The following PTGER4 variants were observed in gnomAD, a reference collection of about 807,000 sequenced individuals.
PTGER4 encodes prostaglandin E2 receptor EP4 subtype.
A neutral mutation model predicts 33.2 loss-of-function variants in PTGER4; 11 were observed. The observed-to-expected ratio is 0.33, with a 90% CI of 0.21 to 0.55. The LOEUF (loss-of-function observed/expected upper bound fraction) is 0.55. PTGER4 is among the 20% of genes least tolerant of loss of function. PTGER4 has a pLI of 0.92. For synonymous variants in PTGER4, 275 were observed against 281.5 expected (o/e 0.98, Z 0.23); for missense variants, 481 against 650.2 (o/e 0.74, Z 2.83).
intron 2 of PTGER4, among the ~76,000 whole-genome samples, chr5:40,689,148 T>G (rs146545840): frequency 6.6e-6 from 1 of 152,340 alleles, no homozygotes; most frequent in Admixed American, 6.5e-5. Context: ...CTAAATGGCT[T>G]CACAGTCTGT....
chr5:40,708,295 A>G, the PTGER4 span, among the ~76,000 whole-genome samples: 1 of 152,298 alleles, frequency 6.6e-6, no homozygotes, highest in South Asian at 2.1e-4. Flanking sequence ...CAAGACTAAT[A>G]AAGAAGAAAA....
At chr5:40,695,504 C>T (rs1194423865), downstream of PTGER4, among the ~76,000 whole-genome samples, 1 of 151,938 alleles carries the variant, frequency 6.6e-6, no homozygotes, top group Non-Finnish European at 1.5e-5. Flanking sequence ...CGAGATCGTG[C>T]GACTGAACTC....
the PTGER4 span, chr5:40,730,254 A>T: frequency 6.3e-7 from 1 of 1,591,774 alleles, no homozygotes; most frequent in Non-Finnish European, 8.6e-7. Context: ...ATTCTTCATA[A>T]TTATTACCTG....
At chr5:40,739,875 C>G in the PTGER4 span, among the ~76,000 whole-genome samples, 1 of 152,108 alleles carries the variant, frequency 6.6e-6, no homozygotes, top group East Asian at 1.9e-4. Flanking sequence ...AGTTTTTATA[C>G]ATGTTTTGCT....
At chr5:40,700,548 C>G in the PTGER4 span, among the ~76,000 whole-genome samples, 4 of 152,212 alleles carry the variant, frequency 2.6e-5, no homozygotes, top group African/African-American at 9.7e-5. Context: ...ACAGGGAACC[C>G]CTGGCTTGGG....
chr5:40,716,229 A>G, the PTGER4 span: 5 of 1,614,248 alleles, frequency 3.1e-6, no homozygotes, highest in Admixed American at 1.7e-5. Context: ...CCCCAGAAGC[A>G]GACACAATAA....
In PTGER4 at chr5:40,693,619, T is replaced by C; in HGVS notation, c.*1241T>C. ...ATATTAAGCATGTTTTGTTGCTCAG[T>C]GTTTTTGTGAATTGCTTGGTTGTAA... On this transcript the variant is annotated 3_prime_UTR_variant, in exon 3 of 3. Transcript: ENST00000302472. 1 of 985,834 alleles carries C rather than the reference T, an allele frequency of 1.0e-6. No individual in the cohort carries two copies. Among genetic ancestry groups the C allele is most frequent in the Non-Finnish European group, 1.2e-6 (1 of 829,792 alleles). 61.1% of individuals were successfully genotyped at this position (985,834 alleles called of 1,614,324 possible).
the PTGER4 span, among the ~76,000 whole-genome samples, chr5:40,734,027 C>T: frequency 1.3e-5 from 2 of 152,172 alleles, no homozygotes; most frequent in African/African-American, 2.4e-5. Context: ...CAGAGGCATC[C>T]CTCAATGAAA....
chr5:40,713,369 CA>C, the PTGER4 span, among the ~76,000 whole-genome samples: 4 of 152,094 alleles, frequency 2.6e-5, no homozygotes, highest in Non-Finnish European at 5.9e-5. Flanking sequence ...CTATACTGTT[CA>C]GTTATAATCT....
chr5:40,745,501 T>C, the PTGER4 span, among the ~76,000 whole-genome samples: 2 of 151,908 alleles, frequency 1.3e-5, no homozygotes, highest in Admixed American at 1.3e-4. Context: ...TGAGTCTAGA[T>C]AGAGGAAATA....
In PTGER4 at chr5:40,691,498, T is replaced by C. The variant is rs1181840030; in HGVS notation, c.868-281T>C. Among the ~76,000 whole-genome samples, 2 of 151,754 alleles carry C rather than the reference T, an allele frequency of 1.3e-5. No homozygotes were observed. ...CCCAGCCTAATGTTTGTATTTTTAG[T>C]AGAGATGGGGTTTCGCCATGTTGGA... On this transcript the variant is annotated intron_variant, in intron 2 of 2. Coordinates refer to ENST00000302472, the MANE Select transcript of PTGER4 (RefSeq NM_000958.3). This position sits in a 1 kb window ranked among gnomAD's most constrained non-coding sequence, Gnocchi z 4.2.
the PTGER4 span, among the ~76,000 whole-genome samples, chr5:40,722,962 G>T: frequency 6.6e-6 from 1 of 152,204 alleles, no homozygotes; most frequent in Non-Finnish European, 1.5e-5. Context: ...TTGAGAGCGG[G>T]CCATGATGAC....
At chr5:40,717,228 T>TCAAAAAA in the PTGER4 span, among the ~76,000 whole-genome samples, 2 of 24,552 alleles carry the variant, frequency 8.1e-5, no homozygotes, top group Non-Finnish European at 1.7e-4. Flanking sequence ...AAACTCCATC[T>TCAAAAAA]CAAAAAAAAA....
the PTGER4 span, among the ~76,000 whole-genome samples, chr5:40,709,485 A>C: frequency 2.6e-4 from 39 of 152,352 alleles, no homozygotes; most frequent in African/African-American, 9.1e-4. Context: ...AGGGATGTGA[A>C]GGACCTCTTC....
chr5:40,697,961 A>C (rs542105228), downstream of PTGER4, among the ~76,000 whole-genome samples: 3 of 152,090 alleles, frequency 2.0e-5, no homozygotes, highest in Non-Finnish European at 2.9e-5. Flanking sequence ...TGTCCTCTGC[A>C]GTAGCACAAA....
downstream of PTGER4, chr5:40,693,790 C>T: frequency 1.2e-6 from 1 of 842,056 alleles, no homozygotes; most frequent in Non-Finnish European, 1.4e-6. Context: ...TTTGTTGTTT[C>T]AGGTCATCAT....
At chr5:40,709,262 A>G in the PTGER4 span, among the ~76,000 whole-genome samples, 3,719 of 152,330 alleles carry the variant, frequency 0.024, 53 homozygotes, top group East Asian at 0.064. Context: ...TGCAGATGAC[A>G]TAATTGTATA....
At chr5:40,700,859 C>T in the PTGER4 span, among the ~76,000 whole-genome samples, 1 of 152,160 alleles carries the variant, frequency 6.6e-6, no homozygotes, top group Non-Finnish European at 1.5e-5. Flanking sequence ...CAAGAATCTA[C>T]CAACTGACCA....
At chr5:40,699,768 A>G in the PTGER4 span, among the ~76,000 whole-genome samples, 1 of 152,212 alleles carries the variant, frequency 6.6e-6, no homozygotes, top group African/African-American at 2.4e-5. Flanking sequence ...AGGAACTACA[A>G]TTAACAAAAT....
Sources: gnomAD v4.1 joint callset for allele counts (sites outside exome capture counted in the v4.1 genomes callset) on GRCh38, gnomAD v4.1.1 for gene constraint, Gnocchi (gnomAD v3.1) non-coding constraint, MANE v1.5 for transcripts, NCBI Gene and HGNC (gene_info 2026-07-23, HGNC 2026-07-21) for gene names.